Variants in PHF24 observed in about 807,000 individuals in gnomAD.
PHF24 encodes the protein Galpha inhibitory interacting protein.
A neutral mutation model predicts 42.6 loss-of-function variants in PHF24; 25 were observed. The ratio of observed to expected loss-of-function variants is 0.59; its 90% CI spans 0.43 to 0.82. PHF24 has a LOEUF of 0.82. PHF24 is among the 40% of genes least tolerant of loss of function. The pLI is 0.00. For missense variants in PHF24, 470 were observed against 538.1 expected, an observed-to-expected ratio of 0.87 and a Z score of 1.25; for synonymous variants, 185 against 204.8, an observed-to-expected ratio of 0.90 and a Z score of 0.83.
the PHF24 span, among the ~76,000 whole-genome samples, chr9:34,810,229 T>C: frequency 6.6e-6 from 1 of 152,064 alleles, no homozygotes; most frequent in Admixed American, 6.5e-5. Context: ...TGGACAGTAC[T>C]CCGGGGACTC....
the PHF24 span, among the ~76,000 whole-genome samples, chr9:34,772,761 G>A: frequency 1.3e-5 from 2 of 152,162 alleles, no homozygotes; most frequent in Non-Finnish European, 2.9e-5. Flanking sequence ...CAGGGGAGGA[G>A]GCTAGCATGA....
chr9:34,677,766 C>T, the PHF24 span, among the ~76,000 whole-genome samples: 2 of 152,102 alleles, frequency 1.3e-5, no homozygotes, highest in South Asian at 2.1e-4. Context: ...GAACAAAATC[C>T]TCACTCCTTC....
the PHF24 span, among the ~76,000 whole-genome samples, chr9:34,750,097 A>G: frequency 6.6e-6 from 1 of 152,208 alleles, no homozygotes. Flanking sequence ...TCTAAAAGAA[A>G]AGAACATTAA....
At chr9:34,910,770 A>G in the PHF24 span, among the ~76,000 whole-genome samples, 1 of 152,206 alleles carries the variant, frequency 6.6e-6, no homozygotes, top group African/African-American at 2.4e-5. Flanking sequence ...AGTTTACCCT[A>G]TAGAAAATAA....
chr9:34,899,638 G>A, the PHF24 span, among the ~76,000 whole-genome samples: 1 of 152,224 alleles, frequency 6.6e-6, no homozygotes, highest in Non-Finnish European at 1.5e-5. Flanking sequence ...AGTTGGGCAG[G>A]AAGCCCCAGA....
chr9:34,894,986 G>A, the PHF24 span: 263 of 398,400 alleles, frequency 6.6e-4, no homozygotes, highest in Non-Finnish European at 9.1e-4. Context: ...GTCAGGATCC[G>A]TGGGAACCTC....
chr9:34,930,956 G>A, the PHF24 span, among the ~76,000 whole-genome samples: 1 of 152,136 alleles, frequency 6.6e-6, no homozygotes, highest in Non-Finnish European at 1.5e-5. Flanking sequence ...GGAGCCTGGT[G>A]GGAGGTGATT....
At chr9:34,832,350 C>T in the PHF24 span, 1 of 738,152 alleles carries the variant, frequency 1.4e-6, no homozygotes, top group Admixed American at 2.3e-5. Context: ...GTGACGAGGA[C>T]AGTGGTGGGG....
the PHF24 span, chr9:34,917,311 C>T: frequency 0.18 from 167,869 of 942,136 alleles, 18,213 homozygotes; most frequent in East Asian, 0.47. Flanking sequence ...AAGACCTGGA[C>T]CCTGGACAGT....
the PHF24 span, among the ~76,000 whole-genome samples, chr9:34,785,507 C>T: frequency 6.6e-6 from 1 of 152,192 alleles, no homozygotes; most frequent in Non-Finnish European, 1.5e-5. Flanking sequence ...AGATGTTCTC[C>T]TCTGAAGTCT....
At chr9:34,723,361 T>A in the PHF24 span, 15 of 1,551,492 alleles carry the variant, frequency 9.7e-6, no homozygotes, top group Non-Finnish European at 1.3e-5. Flanking sequence ...CGTCTAGGGA[T>A]TGGGGACCAT....
At chr9:34,890,652 T>A in the PHF24 span, among the ~76,000 whole-genome samples, 4 of 152,248 alleles carry the variant, frequency 2.6e-5, no homozygotes, top group Non-Finnish European at 4.4e-5. Context: ...TCCCTTGGTT[T>A]AGCAATCTTT....
At chr9:34,692,184 G>T in the PHF24 span, among the ~76,000 whole-genome samples, 1 of 152,152 alleles carries the variant, frequency 6.6e-6, no homozygotes, top group Non-Finnish European at 1.5e-5. Context: ...CCCTCTTTTG[G>T]ATGGAGAGAG....
chr9:34,896,715 C>G, the PHF24 span, among the ~76,000 whole-genome samples: 2 of 152,080 alleles, frequency 1.3e-5, no homozygotes, highest in South Asian at 4.2e-4. Flanking sequence ...ACCCCGGGAT[C>G]TACCACTCCT....
chr9:34,912,215 C>G, the PHF24 span, among the ~76,000 whole-genome samples: 2 of 152,088 alleles, frequency 1.3e-5, no homozygotes, highest in Non-Finnish European at 2.9e-5. Flanking sequence ...GGAAAAAATG[C>G]CTCTGAAGTA....
intron 1 of PHF24, among the ~76,000 whole-genome samples, chr9:34,968,960 C>T (rs1826875837): frequency 1.3e-5 from 2 of 152,204 alleles, no homozygotes; most frequent in Non-Finnish European, 2.9e-5. Context: ...CTGGAGTCAG[C>T]AGTGACTTCC....
At chr9:34,818,533 A>G in the PHF24 span, among the ~76,000 whole-genome samples, 2 of 152,152 alleles carry the variant, frequency 1.3e-5, no homozygotes, top group African/African-American at 4.8e-5. Flanking sequence ...ACCCCCACTT[A>G]GTCATGAAAA....
the PHF24 span, among the ~76,000 whole-genome samples, chr9:34,918,716 A>G: frequency 3.3e-5 from 5 of 152,130 alleles, no homozygotes; most frequent in Non-Finnish European, 7.4e-5. Flanking sequence ...TACTTTTTTC[A>G]CTTCCCTATT....
At chr9:34,917,789 A>G in the PHF24 span, 24 of 1,201,450 alleles carry the variant, frequency 2.0e-5, no homozygotes, top group Middle Eastern at 9.4e-4. Context: ...GAGAATTTCA[A>G]ATTGGACCCT....
Sources: gnomAD v4.1 joint callset for allele counts (sites outside exome capture counted in the v4.1 genomes callset) on GRCh38, gnomAD v4.1.1 for gene constraint, MANE v1.5 for transcripts, NCBI Gene and HGNC (gene_info 2026-07-23, HGNC 2026-07-21) for gene names.